GRIK2: variants seen among roughly 807,000 people sequenced by gnomAD.
GRIK2 encodes the protein glutamate ionotropic receptor kainate type subunit 2.
GRIK2 carries 32 observed loss-of-function variants against 100.3 expected under a neutral mutation model. The ratio of observed to expected loss-of-function variants is 0.32; its 90% confidence interval spans 0.24 to 0.43. GRIK2 has a LOEUF of 0.43. Among genes scored for constraint, GRIK2 ranks in the 20% least tolerant of loss-of-function variants. The pLI is 1.00. For missense variants in GRIK2, 843 were observed against 1,114.9 expected, an observed-to-expected ratio of 0.76 and a Z score of 3.47; for synonymous variants, 417 against 389.4, an observed-to-expected ratio of 1.07 and a Z score of -0.83.
At chr6:101,757,642 A>C (rs1040124483) in intron 7 of GRIK2, among the ~76,000 whole-genome samples, 1 of 152,156 alleles carries the variant, frequency 6.6e-6, no homozygotes, top group Non-Finnish European at 1.5e-5. Context: ...TTCAAACAAT[A>C]AAGTCTGGCT....
chr6:102,046,828 A>G (rs2114475795), intron 15 of GRIK2, among the ~76,000 whole-genome samples: 1 of 152,286 alleles, frequency 6.6e-6, no homozygotes, highest in East Asian at 1.9e-4. Flanking sequence ...ACAAATCTTA[A>G]CAAATTCAAA....
intron 4 of GRIK2, among the ~76,000 whole-genome samples, chr6:101,663,202 C>T (rs1415046352): frequency 6.6e-6 from 1 of 152,096 alleles, no homozygotes; most frequent in South Asian, 2.1e-4. Context: ...ACAGCAGCAT[C>T]CTGGGACATA....
At chr6:101,731,728 G>A (rs892134817) in intron 7 of GRIK2, among the ~76,000 whole-genome samples, 5 of 151,862 alleles carry the variant, frequency 3.3e-5, no homozygotes, top group South Asian at 2.1e-4. Flanking sequence ...TATAGACTAG[G>A]AATATGCAAA....
intron 9 of GRIK2, among the ~76,000 whole-genome samples, chr6:101,811,038 A>G (rs769520336): frequency 3.2e-4 from 49 of 152,116 alleles, no homozygotes; most frequent in Non-Finnish European, 6.0e-4. Context: ...CTATTTCTCA[A>G]TTCCCTCAAA....
At chr6:102,020,200 C>T (rs954870457) in intron 14 of GRIK2, among the ~76,000 whole-genome samples, 5 of 151,636 alleles carry the variant, frequency 3.3e-5, no homozygotes, top group African/African-American at 1.2e-4. Context: ...TTAGAATACC[C>T]TTGCTTATGA....
chr6:101,438,212 A>G (rs1381714793), intron 2 of GRIK2, among the ~76,000 whole-genome samples: 1 of 152,138 alleles, frequency 6.6e-6, no homozygotes, highest in Non-Finnish European at 1.5e-5. Flanking sequence ...TAGGGAAGAT[A>G]TGGAAGAAGT....
chr6:101,987,657 T>C (rs1244323256), intron 14 of GRIK2, among the ~76,000 whole-genome samples: 2 of 150,282 alleles, frequency 1.3e-5, no homozygotes, highest in Non-Finnish European at 3.0e-5. Context: ...TATATAAGTA[T>C]ATAGTTATAT....
intron 9 of GRIK2, among the ~76,000 whole-genome samples, chr6:101,810,267 T>G (rs1781247729): frequency 6.6e-6 from 1 of 151,938 alleles, no homozygotes; most frequent in African/African-American, 2.4e-5. Context: ...AAAATCAAAA[T>G]CACAACCTGT....
At chr6:101,668,654 C>T (rs1412024718) in intron 4 of GRIK2, among the ~76,000 whole-genome samples, 1 of 152,118 alleles carries the variant, frequency 6.6e-6, no homozygotes, top group Non-Finnish European at 1.5e-5. Flanking sequence ...TGGGTTGAGT[C>T]TGAGCTTGCA....
chr6:101,995,320 C>T lies in GRIK2; in HGVS notation c.2086-40021C>T, dbSNP rs376861984. Among the ~76,000 whole-genome samples, 6 of 152,024 alleles carry T rather than the reference C, an allele frequency of 3.9e-5. 1 individual carries two copies. The highest frequency in any genetic ancestry group is 1.4e-4 in the African/African-American group (6 of 41,540). On this transcript the variant is annotated intron_variant, in intron 14 of 16. Transcript: ENST00000369134. ...GCTGTGTTCCCTATTAAATTAATAA[C>T]TGACTATAAAGCCAAGTAACATTTC...
Position 102,068,876 on chromosome 6 carries a change from C to CAATA in GRIK2, c.*368_*371dup, listed in dbSNP as rs1772141537. The CAATA allele has an allele frequency of 5.7e-6, 1 of 175,456 alleles. No individual in the cohort carries two copies. Among genetic ancestry groups the CAATA allele is most frequent in the Admixed American group, 5.9e-5 (1 of 17,056 alleles). The allele number at this position is 175,456 out of a possible 1,614,324, so 10.9% of individuals were successfully genotyped here. On this transcript the variant is annotated 3_prime_UTR_variant, in exon 17 of 17. Coordinates refer to ENST00000369134, the MANE Select transcript of GRIK2 (RefSeq NM_021956.5). ...GAATATCAATGCCCAACAGGGCAAC[C>CAATA]AATAAAAGTGTCACTAAGAATATAA... is the stretch of plus-strand genomic sequence containing the variant.
intron 7 of GRIK2, among the ~76,000 whole-genome samples, chr6:101,739,399 A>T (rs186681678): frequency 1.2e-4 from 18 of 152,034 alleles, no homozygotes; most frequent in African/African-American, 4.3e-4. Context: ...AATTGTGAGG[A>T]CTCTTAATGG....
At chr6:101,950,997 T>A (rs1175345411) in intron 14 of GRIK2, among the ~76,000 whole-genome samples, 1 of 152,164 alleles carries the variant, frequency 6.6e-6, no homozygotes, top group Non-Finnish European at 1.5e-5. Context: ...TCATTGTAGT[T>A]AAGGACATTT....
intron 10 of GRIK2, among the ~76,000 whole-genome samples, chr6:101,843,161 C>T (rs567198202): frequency 2.0e-5 from 3 of 152,220 alleles, no homozygotes; most frequent in Non-Finnish European, 2.9e-5. Flanking sequence ...TCATTTATTA[C>T]ACCAAAATTG....
intron 10 of GRIK2, among the ~76,000 whole-genome samples, chr6:101,822,341 G>A (rs1005700504): frequency 6.6e-6 from 1 of 151,684 alleles, no homozygotes; most frequent in African/African-American, 2.4e-5. Context: ...TGTCAGGAGT[G>A]GAAGGGCAAG....
intron 2 of GRIK2, among the ~76,000 whole-genome samples, chr6:101,541,428 ACT>A (rs565369931): frequency 0.087 from 7,210 of 83,352 alleles, 321 homozygotes; most frequent in African/African-American, 0.23. Flanking sequence ...ATACACACAC[ACT>A]ACACCCTTAT....
chr6:101,864,748 C>T (rs1340120539), intron 11 of GRIK2, among the ~76,000 whole-genome samples: 1 of 152,080 alleles, frequency 6.6e-6, no homozygotes, highest in Non-Finnish European at 1.5e-5. Context: ...AGCTAGTTTA[C>T]AGGATTACTG....
intron 10 of GRIK2, among the ~76,000 whole-genome samples, chr6:101,840,187 G>T (rs970096589): frequency 6.6e-6 from 1 of 152,134 alleles, no homozygotes; most frequent in Admixed American, 6.6e-5. Flanking sequence ...AAGGTAAAAA[G>T]CATCTGGGAT....
intron 10 of GRIK2, among the ~76,000 whole-genome samples, chr6:101,827,571 G>A (rs1213137246): frequency 2.0e-5 from 3 of 151,760 alleles, no homozygotes; most frequent in African/African-American, 4.8e-5. Flanking sequence ...AAAATAAAAG[G>A]ATGGAGAAAG....
Sources: allele counts gnomAD v4.1 joint callset (sites outside exome capture counted in the v4.1 genomes callset), GRCh38; gene constraint gnomAD v4.1.1; transcripts MANE v1.5; gene names NCBI Gene and HGNC (gene_info 2026-07-23, HGNC 2026-07-21).